The following PTPRN2 variants were observed in gnomAD, a reference collection of about 807,000 sequenced individuals.
PTPRN2 encodes protein tyrosine phosphatase receptor type N2.
In PTPRN2, 74 loss-of-function variants were observed where a neutral mutation model predicts 118.8. That is an observed-to-expected ratio of 0.62 (90% CI 0.52 to 0.76). PTPRN2 has a LOEUF of 0.76. Ranked by LOEUF, PTPRN2 falls within the 30% of genes least tolerant of loss-of-function variation. The pLI is 0.00. For synonymous variants in PTPRN2, 641 were observed against 608.0 expected (o/e 1.05, Z -0.80); for missense variants, 1,481 against 1,394.4 (o/e 1.06, Z -0.99).
At chr7:158,181,993 T>C (rs1321322357) in intron 5 of PTPRN2, among the ~76,000 whole-genome samples, 1 of 152,254 alleles carries the variant, frequency 6.6e-6, no homozygotes, top group Non-Finnish European at 1.5e-5. Flanking sequence ...TTACTTGATG[T>C]GTGACATTAG....
At chr7:158,367,155 A>G (rs1190510042) in intron 2 of PTPRN2, among the ~76,000 whole-genome samples, 2 of 152,308 alleles carry the variant, frequency 1.3e-5, no homozygotes, top group East Asian at 3.9e-4. Context: ...TCCTCGGTCA[A>G]CCAGCCCCCA....
chr7:158,138,292 A>G lies in PTPRN2; in HGVS notation c.1132+2T>C. 6.2e-7 allele frequency: 1 copy of G among 1,612,194 alleles called. No homozygotes were observed. Among genetic ancestry groups the G allele is most frequent in the South Asian group, 1.1e-5 (1 of 91,014 alleles). ...TGTGGGCACCCATGGCGCTGCAGTC[A>G]CCTGGAAAGCTGTCTCCACGGAGGG... is the stretch of plus-strand genomic sequence containing the variant. On this transcript the variant is annotated splice_donor_variant, in intron 7 of 22. Coordinates refer to ENST00000389418, the MANE Select transcript of PTPRN2 (RefSeq NM_002847.5). LOFTEE classifies it high-confidence loss of function.
At chr7:157,540,814 A>G in intron 22 of PTPRN2, 29 bp from the exon 23 acceptor site, 4 of 1,531,328 alleles carry the variant, frequency 2.6e-6, no homozygotes, top group Admixed American at 3.9e-5. Flanking sequence ...GAGAAGTGCC[A>G]ATGAGAGCGG....
At chr7:158,387,578 G>GGGGGCTGCGGCATCCCTGTCAGCTGAT (rs1563230352) in intron 2 of PTPRN2, among the ~76,000 whole-genome samples, 1 of 16,948 alleles carries the variant, frequency 5.9e-5, no homozygotes, top group Non-Finnish European at 1.2e-4. Context: ...TGTCAGCTCA[G>GGGGGCTGCGGCATCCCTGTCAGCTGAT]CTTGGCCCGG....
At chr7:157,790,032 TGGGG>T (rs1563111449) in intron 12 of PTPRN2, among the ~76,000 whole-genome samples, 74 of 99,448 alleles carry the variant, frequency 7.4e-4, no homozygotes, top group Non-Finnish European at 1.0e-3. Context: ...GTGTGTGTGG[TGGGG>T]GTGTGTGTGG....
In PTPRN2 at chr7:158,299,536, T is replaced by G. The variant is rs1006285173; in HGVS notation, c.277+17283A>C. ...TGGTCGTAAACTCCTGACCTCTTGA[T>G]CCGCTGGCCTCAGCCTCCCAGAGTG... is the stretch of plus-strand genomic sequence containing the variant. On this transcript the variant is annotated intron_variant, in intron 3 of 22. Coordinates refer to ENST00000389418, the MANE Select transcript of PTPRN2 (RefSeq NM_002847.5). 5.3e-4 allele frequency among the ~76,000 whole-genome samples: 81 copies of G among 152,152 alleles called. 1 individual carries two copies. Among genetic ancestry groups the G allele is most frequent in the African/African-American group, 1.8e-3 (74 of 41,422 alleles).
intron 12 of PTPRN2, among the ~76,000 whole-genome samples, chr7:157,810,152 G>A (rs1269522089): frequency 2.6e-5 from 4 of 152,254 alleles, no homozygotes; most frequent in African/African-American, 7.2e-5. Flanking sequence ...TGAGGGCCAC[G>A]TGGAGAACAC....
intron 2 of PTPRN2, among the ~76,000 whole-genome samples, chr7:158,326,361 G>A (rs1281220936): frequency 2.0e-5 from 3 of 152,258 alleles, no homozygotes; most frequent in Non-Finnish European, 2.9e-5. Flanking sequence ...CAGGCCTGAA[G>A]ATGCCAGTGG....
chr7:157,604,845 G>T (rs1445960868), intron 15 of PTPRN2, among the ~76,000 whole-genome samples: 1 of 152,186 alleles, frequency 6.6e-6, no homozygotes, highest in Non-Finnish European at 1.5e-5. Flanking sequence ...TTGGTTCTGG[G>T]ATAACCCCCA....
chr7:158,221,570 G>T (rs1172250301), intron 3 of PTPRN2, among the ~76,000 whole-genome samples: 1 of 152,158 alleles, frequency 6.6e-6, no homozygotes, highest in African/African-American at 2.4e-5. Flanking sequence ...GGCTGGGGAG[G>T]CCTCACAATC....
intron 2 of PTPRN2, among the ~76,000 whole-genome samples, chr7:158,378,563 T>C (rs1193954562): frequency 6.6e-6 from 1 of 152,210 alleles, no homozygotes; most frequent in African/African-American, 2.4e-5. Context: ...TGAGTCAAGC[T>C]GCCCAGTCTT....
rs567715215 is a variant in PTPRN2 at position 157,941,896 on chromosome 7, C to T, written c.1724-43159G>A. Among the ~76,000 whole-genome samples, 29 of 152,274 alleles carry T rather than the reference C, an allele frequency of 1.9e-4. 1 individual carries two copies. Among genetic ancestry groups the T allele is most frequent in the Admixed American group, 1.4e-3 (21 of 15,306 alleles). ...GTGCCCATCTCCTCACAGGACACAG[C>T]GCTCTCTGCAGGACTTTTGCTAAGT... On this transcript the variant is annotated intron_variant, in intron 11 of 22. Transcript: ENST00000389418.
rs1167202125 is a variant in PTPRN2 at position 158,171,342 on chromosome 7, TATATATACAC to T, written c.550-4061_550-4052del. ...ATATATATATATATATATATATATA[TATATATACAC>T]ACACACATTTTTTTAAGACATAGTC... On this transcript the variant is annotated intron_variant, in intron 5 of 22. Transcript: ENST00000389418. Among the ~76,000 whole-genome samples the T allele has an allele frequency of 5.7e-3, 714 of 124,840 alleles. 22 individuals are homozygous for T. Among genetic ancestry groups the T allele is most frequent in the African/African-American group, 0.023 (691 of 30,362 alleles). 81.9% of individuals were successfully genotyped at this position (124,840 alleles called of 152,430 possible).
intron 12 of PTPRN2, among the ~76,000 whole-genome samples, chr7:157,689,085 G>A (rs559729318): frequency 1.3e-5 from 2 of 152,326 alleles, no homozygotes; most frequent in East Asian, 3.9e-4. Flanking sequence ...GCAGCCCCCG[G>A]GCGGCGCAGC....
intron 11 of PTPRN2, among the ~76,000 whole-genome samples, chr7:157,916,390 G>C (rs1798397598): frequency 6.6e-6 from 1 of 152,214 alleles, no homozygotes; most frequent in South Asian, 2.1e-4. Flanking sequence ...TGGGGGCTCT[G>C]GGAAGGAGAG....
At chr7:158,059,180 A>G (rs1452739133) in intron 11 of PTPRN2, among the ~76,000 whole-genome samples, 35 of 105,104 alleles carry the variant, frequency 3.3e-4, no homozygotes, top group South Asian at 1.2e-3. Flanking sequence ...ACACGGTGAC[A>G]CATCACTGCA....
intron 11 of PTPRN2, among the ~76,000 whole-genome samples, chr7:157,956,667 C>T (rs148162523): frequency 6.6e-6 from 1 of 152,320 alleles, no homozygotes; most frequent in East Asian, 1.9e-4. Flanking sequence ...ACAGGGCTGC[C>T]CTCCTCCCTA....
intron 14 of PTPRN2, among the ~76,000 whole-genome samples, chr7:157,634,179 AT>A (rs1164074271): frequency 6.6e-6 from 1 of 152,102 alleles, no homozygotes; most frequent in Non-Finnish European, 1.5e-5. Context: ...ATATTTTGTC[AT>A]TGTTTAAACT....
intron 12 of PTPRN2, among the ~76,000 whole-genome samples, chr7:157,887,071 A>T (rs571083086): frequency 2.0e-4 from 30 of 152,174 alleles, no homozygotes; most frequent in Non-Finnish European, 1.2e-4. Flanking sequence ...GAGCCCACCC[A>T]TGACAGGCCT....
Sources: allele counts gnomAD v4.1 joint callset (sites outside exome capture counted in the v4.1 genomes callset), GRCh38; gene constraint gnomAD v4.1.1; transcripts MANE v1.5; gene names NCBI Gene and HGNC (gene_info 2026-07-23, HGNC 2026-07-21).